TRPM2: variants seen among roughly 807,000 people sequenced by gnomAD.
TRPM2 encodes the protein estrogen-responsive element-associated gene 1 protein.
A neutral mutation model predicts 174.0 loss-of-function variants in TRPM2; 161 were observed. The ratio of observed to expected loss-of-function variants is 0.93; its 90% CI spans 0.81 to 1.05. The LOEUF is 1.05. Ranked by LOEUF, TRPM2 falls within the 50% of genes least tolerant of loss-of-function variation. The pLI is 0.00. For missense variants in TRPM2, 2,057 were observed against 2,038.0 expected, an observed-to-expected ratio of 1.01 and a Z score of -0.18; for synonymous variants, 954 against 861.3, an observed-to-expected ratio of 1.11 and a Z score of -1.88.
chr21:44,402,977 C>T (rs780406159), intron 16 of TRPM2, among the ~76,000 whole-genome samples: 36 of 152,160 alleles, frequency 2.4e-4, no homozygotes, highest in Non-Finnish European at 4.6e-4. Context: ...CCTACTGGGG[C>T]CCTGGGGGAG....
At chr21:44,410,663 G>T (rs575711495) in intron 19 of TRPM2, among the ~76,000 whole-genome samples, 1 of 65,594 alleles carries the variant, frequency 1.5e-5, no homozygotes. Flanking sequence ...CTGTCTTGGT[G>T]AGCGTAGCCT....
rs1042894993 is a variant in TRPM2 at position 44,383,802 on chromosome 21, A to G, written c.1318+982A>G. Reference sequence around the variant, plus strand: ...AAAGAAGAAATCAAAAAGGAAATCAAGAAACCAATGAAAACAAAAGCACAA... The same window carrying G: ...AAAGAAGAAATCAAAAAGGAAATCAGGAAACCAATGAAAACAAAAGCACAA... On this transcript the variant is annotated intron_variant, in intron 9 of 31. Transcript: ENST00000397928. 3.3e-5 allele frequency among the ~76,000 whole-genome samples: 5 copies of G among 152,368 alleles called. No individual in the cohort carries two copies. In the East Asian group the frequency reaches 9.6e-4, roughly 29 times the overall value.
chr21:44,410,179 C>T lies in TRPM2; in HGVS notation c.2962+3414C>T, dbSNP rs377599393. Among the ~76,000 whole-genome samples, 17 of 66,516 alleles carry T rather than the reference C, an allele frequency of 2.6e-4. 4 individuals are homozygous for T. Among genetic ancestry groups the T allele is most frequent in the Non-Finnish European group, 5.9e-4 (16 of 26,908 alleles). 43.6% of individuals were successfully genotyped at this position (66,516 alleles called of 152,430 possible). ...GTAGCCTTGTAGTAAGTTTTGATCGCGCTGTCTTGGTTGGCATAGCCTTGT... is the reference window on the plus strand; with the variant it reads ...GTAGCCTTGTAGTAAGTTTTGATCGTGCTGTCTTGGTTGGCATAGCCTTGT... On this transcript the variant is annotated intron_variant, in intron 19 of 31. Coordinates refer to ENST00000397928, the MANE Select transcript of TRPM2 (RefSeq NM_003307.4).
intron 20 of TRPM2, chr21:44,416,054 A>G (rs1251232781): frequency 6.6e-6 from 1 of 152,126 alleles, no homozygotes; most frequent in East Asian, 1.9e-4. Flanking sequence ...CCTAGCCCTG[A>G]CAGTGGAGCT....
At position 44,399,843 on chromosome 21, in the gene TRPM2, C is replaced by T. The variant is rs1381715065; in HGVS notation, c.2208+402C>T. ...GCTGCCCTCAGCATCGCCCTGGAAC[C>T]CCCGGCAGGGCCTGGCTCCCAGCGA... On this transcript the variant is annotated intron_variant, in intron 14 of 31. Transcript: ENST00000397928. This position sits in a 1 kb window ranked among gnomAD's most constrained non-coding sequence, Gnocchi z 4.6. 1.3e-5 allele frequency among the ~76,000 whole-genome samples: 2 copies of T among 152,188 alleles called. No individual in the cohort carries two copies. The highest frequency in any genetic ancestry group is 2.9e-5 in the Non-Finnish European group (2 of 68,018).
chr21:44,351,835 C>T (rs1314484907), upstream of TRPM2, among the ~76,000 whole-genome samples: 1 of 152,200 alleles, frequency 6.6e-6, no homozygotes, highest in African/African-American at 2.4e-5. Context: ...CTTCCCAGGG[C>T]CTGCTTGCCT....
chr21:44,397,991 T>C (rs1438736096), intron 13 of TRPM2, 115 bp downstream of exon 13: 10 of 1,291,970 alleles, frequency 7.7e-6, no homozygotes, highest in Non-Finnish European at 9.1e-6. Context: ...TCCTCGTCCC[T>C]GGGCCTCAGC....
At chr21:44,350,601 G>A (rs561561969), upstream of TRPM2, among the ~76,000 whole-genome samples, 1 of 130,910 alleles carries the variant, frequency 7.6e-6, no homozygotes, top group Non-Finnish European at 1.6e-5. Flanking sequence ...GGTGGGGCTC[G>A]AGGCGCTGGT....
chr21:44,397,705 AGCCTGGCTCTTTAGTCTCAC>A (rs2049473113), intron 12 of TRPM2, 22 bp from the exon 13 acceptor site: 1 of 1,516,190 alleles, frequency 6.6e-7, no homozygotes, highest in Admixed American at 2.0e-5. Flanking sequence ...GGCTGGGTTG[AGCCTGGCTCTTTAGTCTCAC>A]GGTGGCTCCT....
At chr21:44,403,959 TACATACAC>T (rs928239646) in intron 16 of TRPM2, among the ~76,000 whole-genome samples, 8 of 69,880 alleles carry the variant, frequency 1.1e-4, no homozygotes, top group Non-Finnish European at 1.8e-4. Context: ...TATGCACACA[TACATACAC>T]ACATGCACAT....
upstream of TRPM2, among the ~76,000 whole-genome samples, chr21:44,350,933 C>T (rs1224537633): frequency 6.6e-6 from 1 of 152,180 alleles, no homozygotes; most frequent in Non-Finnish European, 1.5e-5. Flanking sequence ...CTTACTTCCT[C>T]CGTCCCCGCA....
intron 16 of TRPM2, among the ~76,000 whole-genome samples, chr21:44,402,580 A>G (rs2049658877): frequency 6.6e-6 from 1 of 152,076 alleles, no homozygotes; most frequent in South Asian, 2.1e-4. Flanking sequence ...GTCAAACTGA[A>G]AACTGCCCGG....
Position 44,354,913 on chromosome 21 carries a change from G to C in TRPM2, c.254+177G>C, listed in dbSNP as rs910415847. ...TCCACCTAACCCTTGCAAGCCTCCT[G>C]TCGGGGACAGTTGACCCTCATCCTG... On this transcript the variant is annotated intron_variant, in intron 2 of 31. Transcript: ENST00000397928. This position sits in a 1 kb window ranked among gnomAD's most constrained non-coding sequence, Gnocchi z 4.3. Among the ~76,000 whole-genome samples the C allele has an allele frequency of 6.6e-6, 1 of 152,160 alleles. No individual in the cohort carries two copies. Among genetic ancestry groups the C allele is most frequent in the Non-Finnish European group, 1.5e-5 (1 of 68,026 alleles).
At position 44,426,750 on chromosome 21, in the gene TRPM2, G is replaced by A. The variant is rs1176350574; in HGVS notation, c.3872+14G>A. On this transcript the variant is annotated intron_variant, in intron 26 of 31. Coordinates refer to ENST00000397928, the MANE Select transcript of TRPM2 (RefSeq NM_003307.4). ...CCCCATGGGAGAGTGAGTATGAGCC[G>A]CTGTCCGTGCTCCCAGCTGGCCCCA... 1.9e-6 allele frequency: 3 copies of A among 1,613,216 alleles called. No homozygotes were observed. The highest frequency in any genetic ancestry group is 2.2e-5 in the East Asian group (1 of 44,880).
intron 8 of TRPM2, among the ~76,000 whole-genome samples, chr21:44,380,217 C>T (rs146453255): frequency 1.1e-4 from 16 of 152,322 alleles, no homozygotes; most frequent in East Asian, 9.7e-4. Context: ...CTGTGCTTTG[C>T]GATGGTCTCA....
At chr21:44,413,375 T>TGG (rs1233652291) in intron 19 of TRPM2, among the ~76,000 whole-genome samples, 2 of 152,004 alleles carry the variant, frequency 1.3e-5, no homozygotes, top group Non-Finnish European at 2.9e-5. Flanking sequence ...CCCGAGTAGC[T>TGG]GGGATTATAG....
rs201919755 is a variant in TRPM2, at chr21:44,439,135, G to A, written c.4236G>A (p.Pro1412=). The A allele has an allele frequency of 3.3e-5, 53 of 1,613,756 alleles. 1 individual carries two copies. The Admixed American group carries it at 6.2e-4, about 19-fold the overall frequency. ...LKRILRQEHW[P]SFENLLKCGM... is the part of the protein sequence containing the mutation. ...GGATCCTCCGGCAGGAGCACTGGCC[G>A]TCTTTTGAAAACTTGCTGAAGTGCG... Residue 1412 remains proline (P), a synonymous_variant, in exon 30 of 32, where the codon CCG becomes CCA. Coordinates refer to ENST00000397928, the MANE Select transcript of TRPM2 (RefSeq NM_003307.4). The surrounding 1 kb of genome is among the most constrained non-coding windows in gnomAD (Gnocchi z 5.1).
intron 26 of TRPM2, 30 bp downstream of exon 26, chr21:44,426,766 G>A (rs770958762): frequency 6.2e-7 from 1 of 1,612,286 alleles, no homozygotes; most frequent in South Asian, 1.1e-5. Context: ...CGTGCTCCCA[G>A]CTGGCCCCAA....
At chr21:44,397,162 CTGAG>C (rs1402894284) in intron 12 of TRPM2, among the ~76,000 whole-genome samples, 1 of 151,854 alleles carries the variant, frequency 6.6e-6, no homozygotes, top group Non-Finnish European at 1.5e-5. Context: ...CCTCAGCCTC[CTGAG>C]TAACTAGAAC....
Sources: allele counts gnomAD v4.1 joint callset (sites outside exome capture counted in the v4.1 genomes callset), GRCh38; gene constraint gnomAD v4.1.1; non-coding constraint Gnocchi (gnomAD v3.1); transcripts MANE v1.5; gene names NCBI Gene and HGNC (gene_info 2026-07-23, HGNC 2026-07-21).